Variants in DMD observed in about 807,000 individuals in gnomAD.
DMD encodes the protein dystrophin.
In DMD, 63 loss-of-function variants were observed where a neutral mutation model predicts 330.1. That is an observed-to-expected ratio of 0.19 (90% CI 0.16 to 0.24). The LOEUF is 0.24. DMD is among the 10% of genes least tolerant of loss of function. The pLI is 1.00. For missense variants in DMD, 3,344 were observed against 2,684.1 expected (o/e 1.25, Z -5.43); for synonymous variants, 1,223 against 959.8 (o/e 1.27, Z -5.07).
chrX:31,615,878 T>C (rs778638133), intron 55 of DMD, among the ~76,000 whole-genome samples: 1 of 112,144 alleles, frequency 8.9e-6, no homozygotes, highest in East Asian at 2.8e-4. Context: ...ACATACTATA[T>C]GTATACATAA....
chrX:31,384,309 C>CACTACTACTACT (rs79171547), intron 60 of DMD, among the ~76,000 whole-genome samples: 143 of 91,320 alleles, frequency 1.6e-3, no homozygotes, highest in African/African-American at 4.2e-3. Flanking sequence ...TATCCTGCTT[C>CACTACTACTACT]ACTACTACTA....
chrX:32,755,793 G>A (rs770866118), intron 7 of DMD, among the ~76,000 whole-genome samples: 2 of 112,103 alleles, frequency 1.8e-5, no homozygotes, highest in South Asian at 7.3e-4. Flanking sequence ...GAAAATGGTT[G>A]TGTATCAAAA....
intron 38 of DMD, among the ~76,000 whole-genome samples, chrX:32,346,429 GC>G (rs1422395043): frequency 9.0e-6 from 1 of 111,034 alleles, no homozygotes; most frequent in East Asian, 2.8e-4. Context: ...AGAGAAATGA[GC>G]TAAAGTTATC....
intron 9 of DMD, among the ~76,000 whole-genome samples, chrX:32,646,803 G>A (rs991876934): frequency 8.9e-6 from 1 of 111,811 alleles, no homozygotes; most frequent in African/African-American, 3.3e-5. Flanking sequence ...TTCATCAAAT[G>A]ATGCACTCTT....
chrX:33,061,471 G>A (rs1413430691), intron 1 of DMD, among the ~76,000 whole-genome samples: 2 of 111,510 alleles, frequency 1.8e-5, no homozygotes, highest in Non-Finnish European at 3.8e-5. Flanking sequence ...TAGGTTAGTA[G>A]TGATATTGTA....
intron 44 of DMD, among the ~76,000 whole-genome samples, chrX:32,064,466 C>G (rs1055559515): frequency 9.0e-5 from 10 of 111,052 alleles, no homozygotes; most frequent in South Asian, 7.3e-4. Context: ...ATCATTAATC[C>G]TAGCCACAAA....
chrX:31,755,164 C>T (rs752662168), intron 51 of DMD, among the ~76,000 whole-genome samples: 1 of 111,432 alleles, frequency 9.0e-6, no homozygotes, highest in Non-Finnish European at 1.9e-5. Flanking sequence ...ACACTAGAGG[C>T]CTTGCTAATG....
At chrX:31,211,431 G>A (rs1035126421) in intron 64 of DMD, among the ~76,000 whole-genome samples, 4 of 112,278 alleles carry the variant, frequency 3.6e-5, no homozygotes, top group Non-Finnish European at 7.5e-5. Flanking sequence ...CTTATATACT[G>A]AAGGAAGCTA....
chrX:32,463,362 G>GT (rs1452037199), intron 25 of DMD, 77 bp downstream of exon 25: 2 of 981,314 alleles, frequency 2.0e-6, no homozygotes, highest in Non-Finnish European at 2.7e-6. Context: ...TTAACCAAAA[G>GT]TAACGGTGAA....
At chrX:32,564,073 T>C (rs769752033) in intron 16 of DMD, among the ~76,000 whole-genome samples, 2 of 111,605 alleles carry the variant, frequency 1.8e-5, no homozygotes, top group South Asian at 7.5e-4. Context: ...CTGCAGATTG[T>C]ATCAAAGGCT....
At chrX:32,191,479 T>C (rs973337494) in intron 44 of DMD, among the ~76,000 whole-genome samples, 6 of 111,739 alleles carry the variant, frequency 5.4e-5, no homozygotes, top group Admixed American at 1.9e-4. Flanking sequence ...GGATAATGGT[T>C]CCCTCTGTTC....
chrX:32,197,373 A>G lies in DMD; in HGVS notation c.6438+19543T>C, dbSNP rs989227152. Among the ~76,000 whole-genome samples the G allele has an allele frequency of 4.5e-5, 5 of 111,597 alleles. No individual in the cohort carries two copies. In the East Asian group the frequency reaches 1.4e-3, roughly 31 times the overall value. On this transcript the variant is annotated intron_variant, in intron 44 of 78. Transcript: ENST00000357033. ...ATGTACAAGTAACTCATTATTAACC[A>G]TAATCATCCCGTTGTTTGATCAGAT...
chrX:32,699,178 T>C lies in DMD; in HGVS notation c.765A>G (p.Pro255=), dbSNP rs1259004406. 5.0e-6 allele frequency: 6 copies of C among 1,210,510 alleles called. No homozygotes were observed. Among genetic ancestry groups the C allele is most frequent in the Non-Finnish European group, 6.7e-6 (6 of 894,399 alleles). The stretch of plus-strand genomic sequence containing the variant: ...CTTCTTTAGTCACTTTAGGTGGCCT[T>C]GGCAACATTTCCACTTCCTGGATGG... ...IEAIQEVEML[P]RPPKVTKEEH... is the part of the protein sequence containing the mutation. The change falls in exon 8 of 79, where the codon CCA becomes CCG. Residue 255 remains proline, a synonymous_variant. Transcript: ENST00000357033.
intron 64 of DMD, among the ~76,000 whole-genome samples, chrX:31,217,149 T>G (rs1487694432): frequency 8.9e-6 from 1 of 111,999 alleles, no homozygotes; most frequent in East Asian, 2.8e-4. Flanking sequence ...AGAAAATGCT[T>G]AAATTACCTT....
chrX:31,528,948 T>C (rs757227057), intron 55 of DMD, among the ~76,000 whole-genome samples: 6 of 111,210 alleles, frequency 5.4e-5, no homozygotes, highest in Admixed American at 1.9e-4. Context: ...CTGGGCAATG[T>C]AGCATGACTC....
chrX:31,363,009 T>G (rs997403222), intron 60 of DMD, among the ~76,000 whole-genome samples: 3 of 111,859 alleles, frequency 2.7e-5, no homozygotes, highest in African/African-American at 9.7e-5. Flanking sequence ...AGTAAACAAA[T>G]CTATACCTCA....
chrX:33,199,808 A>G (rs1323569853), intron 1 of DMD, among the ~76,000 whole-genome samples: 1 of 111,059 alleles, frequency 9.0e-6, no homozygotes, highest in Non-Finnish European at 1.9e-5. Flanking sequence ...ATGAGAGGAC[A>G]GTGCACAGAT....
At chrX:32,788,622 C>T (rs1322864170) in intron 7 of DMD, among the ~76,000 whole-genome samples, 1 of 111,781 alleles carries the variant, frequency 8.9e-6, no homozygotes, top group African/African-American at 3.3e-5. Flanking sequence ...TTCATTATGT[C>T]CTGTCAGTAA....
At chrX:32,036,941 C>A (rs769210944) in intron 44 of DMD, among the ~76,000 whole-genome samples, 1 of 111,139 alleles carries the variant, frequency 9.0e-6, no homozygotes, top group Admixed American at 9.6e-5. Flanking sequence ...GAGGACCCAC[C>A]AAATTTAGCA....
Sources: gnomAD v4.1 joint callset for allele counts (sites outside exome capture counted in the v4.1 genomes callset) on GRCh38, gnomAD v4.1.1 for gene constraint, MANE v1.5 for transcripts, NCBI Gene and HGNC (gene_info 2026-07-23, HGNC 2026-07-21) for gene names.